The following CNNM2 variants were observed in gnomAD, a reference collection of about 807,000 sequenced individuals.
CNNM2 encodes the protein cyclin and CBS domain divalent metal cation transport mediator 2.
In CNNM2, 12 loss-of-function variants were observed where a neutral mutation model predicts 66.9. That is an observed-to-expected ratio of 0.18 (90% CI 0.11 to 0.29). The LOEUF (loss-of-function observed/expected upper bound fraction) is 0.29, where lower values mean the gene tolerates loss of function less well. Ranked by LOEUF, CNNM2 falls within the 10% of genes least tolerant of loss-of-function variation. CNNM2 has a pLI of 1.00. For synonymous variants in CNNM2, 557 were observed against 501.8 expected (o/e 1.11, Z -1.47); for missense variants, 705 against 1,167.7 (o/e 0.60, Z 5.77).
chr10:103,037,063 C>T (rs550420961), intron 1 of CNNM2, among the ~76,000 whole-genome samples: 32 of 152,090 alleles, frequency 2.1e-4, no homozygotes, highest in South Asian at 1.2e-3. Context: ...CAGGATCTTC[C>T]TGTTGTTCCT....
intron 1 of CNNM2, among the ~76,000 whole-genome samples, chr10:102,976,150 C>T (rs748101662): frequency 6.6e-6 from 1 of 152,046 alleles, no homozygotes; most frequent in Non-Finnish European, 1.5e-5. Context: ...GCAATGTGAG[C>T]CTAAAATACA....
At position 103,068,657 on chromosome 10, in the gene CNNM2, A is replaced by C; in HGVS notation, c.2102A>C (p.Glu701Ala). ...QGKVEVEAGKEGMKFEASAFS... is the reference protein window; with the variant it reads ...QGKVEVEAGKAGMKFEASAFS... ...AAAGTGGAAGTTGAAGCTGGGAAAG[A>C]AGGTATGAAGTTTGAAGCGAGCGCC... The change falls in exon 5 of 8, where the codon GAA becomes GCA. Residue 701 changes from glutamate (E) to alanine (A), a missense_variant. By Grantham distance (107) the Glu-to-Ala change is moderately radical. This residue lies in a region of CNNM2 where 194 missense variants were observed against 227.6 expected (regional missense o/e 0.85). Transcript: ENST00000369878. The C allele has an allele frequency of 6.2e-7, 1 of 1,613,056 alleles. No individual in the cohort carries two copies. Among genetic ancestry groups the C allele is most frequent in the Non-Finnish European group, 8.5e-7 (1 of 1,179,554 alleles).
rs371958180 is a variant in CNNM2 at position 102,919,764 on chromosome 10, T to A, written c.1284T>A (p.Val428=). The part of the protein sequence containing the change: ...LRVTDPYNDL[V]KEELNIIQGA... Reference sequence around the variant, plus strand: ...TCACCGATCCCTACAACGACCTCGTTAAGGAGGAGCTGAACATCATCCAAG... The same window carrying A: ...TCACCGATCCCTACAACGACCTCGTAAAGGAGGAGCTGAACATCATCCAAG... Residue 428 remains valine, a synonymous_variant, in exon 1 of 8, where the codon GTT becomes GTA. Transcript: ENST00000369878. 3 of 1,614,060 alleles carry A rather than the reference T, an allele frequency of 1.9e-6. No individual in the cohort carries two copies. The highest frequency in any genetic ancestry group is 2.7e-5 in the African/African-American group (2 of 74,924).
chr10:102,931,805 G>T (rs1054531888), intron 1 of CNNM2, among the ~76,000 whole-genome samples: 1 of 150,112 alleles, frequency 6.7e-6, no homozygotes, highest in African/African-American at 2.5e-5. Flanking sequence ...ATGTATGAAG[G>T]TTCTAATTTC....
At chr10:103,040,477 G>A (rs1399205302) in intron 1 of CNNM2, among the ~76,000 whole-genome samples, 3 of 152,094 alleles carry the variant, frequency 2.0e-5, no homozygotes, top group African/African-American at 7.2e-5. Context: ...CCTTAATTCA[G>A]TAGCTGGTGG....
intron 5 of CNNM2, 89 bp downstream of exon 5, chr10:103,068,811 C>G (rs2065523855): frequency 6.8e-6 from 7 of 1,035,476 alleles, no homozygotes; most frequent in Non-Finnish European, 9.9e-6. Context: ...TATCTGCCAG[C>G]TGACCCCATT....
intron 1 of CNNM2, among the ~76,000 whole-genome samples, chr10:103,022,787 T>G (rs2064612474): frequency 6.6e-6 from 1 of 152,196 alleles, no homozygotes; most frequent in South Asian, 2.1e-4. Context: ...AGCATGGCAC[T>G]GGCATCTGCT....
intron 1 of CNNM2, among the ~76,000 whole-genome samples, chr10:103,025,915 C>T (rs896486789): frequency 6.6e-6 from 1 of 152,188 alleles, no homozygotes; most frequent in African/African-American, 2.4e-5. Flanking sequence ...AACTTAATCT[C>T]CAATGCAAAC....
intron 1 of CNNM2, chr10:102,927,601 A>G (rs1397488623): frequency 1.5e-6 from 1 of 687,256 alleles, no homozygotes; most frequent in Admixed American, 3.2e-5. Flanking sequence ...CGTTTCTAAT[A>G]AAAATACAGA....
rs1233288742 is a variant in CNNM2, at chr10:103,088,721, T to A, written c.*11541T>A. 2 of 178,366 alleles carry A rather than the reference T, an allele frequency of 1.1e-5. No homozygotes were observed. The highest frequency in any genetic ancestry group is 2.4e-5 in the Non-Finnish European group (2 of 83,118). 11.0% of individuals were successfully genotyped at this position (178,366 alleles called of 1,614,324 possible). Reference sequence around the variant, plus strand: ...GATTCTGAAGTGAATTTATTCACACTGATTGTGCCCTCTACTTTAGTAAGG... The same window carrying A: ...GATTCTGAAGTGAATTTATTCACACAGATTGTGCCCTCTACTTTAGTAAGG... On this transcript the variant is annotated 3_prime_UTR_variant, in exon 8 of 8. Transcript: ENST00000369878.
At chr10:102,951,020 T>C in intron 1 of CNNM2, among the ~76,000 whole-genome samples, 1 of 145,590 alleles carries the variant, frequency 6.9e-6, no homozygotes. Flanking sequence ...TGGAGTCTCA[T>C]TCTGTCACCC....
rs1845483444 is a variant in CNNM2 at position 102,918,323 on chromosome 10, G to A, written c.-158G>A. 1 of 1,271,280 alleles carries A rather than the reference G, an allele frequency of 7.9e-7. No homozygotes were observed. Among genetic ancestry groups the A allele is most frequent in the Admixed American group, 3.1e-5 (1 of 32,070 alleles). The allele number at this position is 1,271,280 out of a possible 1,614,324, so 78.7% of individuals were successfully genotyped here. ...CCCTCTTTCCCTCCCGCGAGCCTCG[G>A]GGTTCCTCAGCTGGCTGAGGTGGAG... On this transcript the variant is annotated 5_prime_UTR_variant, in exon 1 of 8. Transcript: ENST00000369878. This position sits in a 1 kb window ranked among gnomAD's most constrained non-coding sequence, Gnocchi z 4.1.
In CNNM2 at chr10:103,080,526, C is replaced by CCTCCCTCCTCACCTCA. The variant is rs1222215866; in HGVS notation, c.*3353_*3368dup. On this transcript the variant is annotated 3_prime_UTR_variant, in exon 8 of 8. Transcript: ENST00000369878. ...AAGGTTACATTGAACTCTGTTCTTT[C>CCTCCCTCCTCACCTCA]CTCCCTCCTCACCTCACTCCCTGCA... The CCTCCCTCCTCACCTCA allele has an allele frequency of 2.6e-5, 4 of 152,114 alleles. No homozygotes were observed. Among genetic ancestry groups the CCTCCCTCCTCACCTCA allele is most frequent in the Admixed American group, 6.5e-5 (1 of 15,272 alleles). The allele number at this position is 152,114 out of a possible 1,614,324, so 9.4% of individuals were successfully genotyped here.
intron 1 of CNNM2, among the ~76,000 whole-genome samples, chr10:102,978,551 CCTCCTTGCTGGT>C (rs1221414134): frequency 1.3e-5 from 2 of 152,194 alleles, no homozygotes; most frequent in Non-Finnish European, 2.9e-5. Flanking sequence ...GTACCATTAG[CCTCCTTGCTGGT>C]CTCCTTGCTG....
At chr10:102,932,047 T>C (rs1325372426) in intron 1 of CNNM2, among the ~76,000 whole-genome samples, 2 of 152,158 alleles carry the variant, frequency 1.3e-5, no homozygotes, top group East Asian at 1.9e-4. Context: ...ATTGTTGAGT[T>C]GTAAGAGTTC....
intron 1 of CNNM2, among the ~76,000 whole-genome samples, chr10:102,956,163 C>G (rs1159998936): frequency 6.6e-6 from 1 of 152,072 alleles, no homozygotes. Context: ...TGGCGGGCGC[C>G]TGTAGTCCCA....
At chr10:102,975,494 C>G (rs1174772493) in intron 1 of CNNM2, among the ~76,000 whole-genome samples, 4 of 133,776 alleles carry the variant, frequency 3.0e-5, no homozygotes, top group African/African-American at 5.5e-5. Flanking sequence ...AAAAACAAAC[C>G]TCCACAGAGT....
At position 103,085,888 on chromosome 10, in the gene CNNM2, G is replaced by C. The variant is rs768896243; in HGVS notation, c.*8708G>C. On this transcript the variant is annotated 3_prime_UTR_variant, in exon 8 of 8. Transcript: ENST00000369878. ...TGTGTGAGGACAGGGAAAAATGGTT[G>C]AGAAATCCAGGTTAAAGAATAGAAA... 2 of 152,200 alleles carry C rather than the reference G, an allele frequency of 1.3e-5. No individual in the cohort carries two copies. The highest frequency in any genetic ancestry group is 2.9e-5 in the Non-Finnish European group (2 of 68,046). 9.4% of individuals were successfully genotyped at this position (152,200 alleles called of 1,614,324 possible).
intron 1 of CNNM2, among the ~76,000 whole-genome samples, chr10:103,007,151 C>A (rs777088908): frequency 6.6e-6 from 1 of 152,128 alleles, no homozygotes; most frequent in Non-Finnish European, 1.5e-5. Flanking sequence ...ACTGCAAAAC[C>A]AGCAGGCTTT....
Sources: gnomAD v4.1 joint callset for allele counts (sites outside exome capture counted in the v4.1 genomes callset) on GRCh38, gnomAD v4.1.1 for gene constraint, gnomAD v4.1.1 regional missense constraint, Gnocchi (gnomAD v3.1) non-coding constraint, MANE v1.5 for transcripts, NCBI Gene and HGNC (gene_info 2026-07-23, HGNC 2026-07-21) for gene names.